TCHP: variants seen among roughly 807,000 people sequenced by gnomAD.
The protein encoded by TCHP is trichoplein keratin filament binding, also known as trichoplein keratin filament-binding protein.
In TCHP, 81 loss-of-function variants were observed where a neutral mutation model predicts 88.7. The ratio of observed to expected loss-of-function variants is 0.91; its 90% CI spans 0.76 to 1.10. The LOEUF (loss-of-function observed/expected upper bound fraction) is 1.10. TCHP is among the 50% of genes least tolerant of loss of function. The pLI, the probability that TCHP is intolerant of heterozygous loss-of-function variation, is 0.00. For missense variants in TCHP, 641 were observed against 632.1 expected (o/e 1.01, Z -0.15); for synonymous variants, 232 against 232.5 (o/e 1.00, Z 0.02).
rs1870859368 is a variant in TCHP, at chr12:109,917,060, A to G, written c.*437A>G. 6.4e-6 allele frequency: 1 copy of G among 156,532 alleles called. No individual in the cohort carries two copies. Among genetic ancestry groups the G allele is most frequent in the African/African-American group, 2.4e-5 (1 of 41,656 alleles). The allele number at this position is 156,532 out of a possible 1,614,324, so 9.7% of individuals were successfully genotyped here. Reference sequence around the variant, plus strand: ...AATTGCCATTTAAATTTAGTCTATTAAAAACAAACCTAGAGGTCTTGGTGC... The same window carrying G: ...AATTGCCATTTAAATTTAGTCTATTGAAAACAAACCTAGAGGTCTTGGTGC... On this transcript the variant is annotated 3_prime_UTR_variant, in exon 13 of 13. Transcript: ENST00000405876.
In TCHP at chr12:109,907,584, G is replaced by T. The variant is rs140118187; in HGVS notation, c.584G>T (p.Arg195Leu). The T allele has an allele frequency of 1.2e-6, 2 of 1,614,120 alleles. No homozygotes were observed. The highest frequency in any genetic ancestry group is 1.3e-5 in the African/African-American group (1 of 74,942). ...KRYENEYERA[R>L]REALERMKAE... The stretch of plus-strand genomic sequence containing the variant: ...TATGAAAATGAATATGAAAGGGCCC[G>T]AAGGGAGGCGCTAGAAAGGATGAAA... The change falls in exon 6 of 13, where the codon CGA (arginine) becomes CTA (leucine). Residue 195 changes from arginine (R) to leucine (L), a missense_variant. Arg to Leu is a moderately radical substitution (Grantham distance 102). Transcript: ENST00000405876.
At chr12:109,885,327 T>C in the TCHP span, among the ~76,000 whole-genome samples, 5 of 152,236 alleles carry the variant, frequency 3.3e-5, no homozygotes, top group Admixed American at 6.5e-5. Flanking sequence ...TGTTTCTTCA[T>C]GATTGGATTC....
At chr12:109,893,813 C>T in the TCHP span, among the ~76,000 whole-genome samples, 1 of 152,084 alleles carries the variant, frequency 6.6e-6, no homozygotes, top group Non-Finnish European at 1.5e-5. Context: ...GTTTGCATAG[C>T]CAATGGAAAT....
chr12:109,897,566 CT>C (rs563239979), upstream of TCHP, among the ~76,000 whole-genome samples: 1,715 of 145,262 alleles, frequency 0.012, 22 homozygotes, highest in African/African-American at 0.036. Context: ...TTCTTTCTTT[CT>C]TTTTTTTTTT....
At chr12:109,895,932 T>C (rs1869547723), upstream of TCHP, among the ~76,000 whole-genome samples, 2 of 152,164 alleles carry the variant, frequency 1.3e-5, no homozygotes. Flanking sequence ...GCCAAATTCT[T>C]TGTATGTTCA....
chr12:109,908,797 G>A, intron 7 of TCHP, 74 bp from the exon 8 acceptor site: 2 of 1,570,614 alleles, frequency 1.3e-6, no homozygotes, highest in Non-Finnish European at 1.8e-6. Context: ...GAGACAGCCT[G>A]GTCAGCAGTT....
rs765235271 is a variant in TCHP at position 109,914,452 on chromosome 12, G to A, written c.1145G>A (p.Gly382Glu). 7.4e-6 allele frequency: 12 copies of A among 1,612,292 alleles called. 1 individual carries two copies. In the Admixed American group the frequency reaches 2.0e-4, roughly 27 times the overall value. The change falls in exon 11 of 13, where the codon GGG (glycine) becomes GAG (glutamate). Residue 382 changes from glycine to glutamate, a missense_variant. Gly to Glu is a moderately conservative substitution (Grantham distance 98, BLOSUM62 -2). Transcript: ENST00000405876. ...TTCTGCTGAGGTTAGGTTCTGACAGGGAGACAACAGCAAATACAAGAGAAG... is the reference window on the plus strand; with the variant it reads ...TTCTGCTGAGGTTAGGTTCTGACAGAGAGACAACAGCAAATACAAGAGAAG... ...RDRLMSEVLT[G>E]RQQQIQEKIE...
At position 109,904,813 on chromosome 12, in the gene TCHP, A is replaced by T. The variant is rs759639122; in HGVS notation, c.456+20A>T. On this transcript the variant is annotated intron_variant, in intron 4 of 12. Coordinates refer to ENST00000405876, the MANE Select transcript of TCHP (RefSeq NM_001143852.2). ...CGAGAGGTGAAAATCAGAGATCTCC[A>T]TTGATTTATCTAAGTAGATGAAATC... 3 of 1,603,698 alleles carry T rather than the reference A, an allele frequency of 1.9e-6. No homozygotes were observed. The highest frequency in any genetic ancestry group is 1.1e-5 in the South Asian group (1 of 90,050).
the TCHP span, among the ~76,000 whole-genome samples, chr12:109,886,557 A>G: frequency 6.6e-6 from 1 of 151,986 alleles, no homozygotes; most frequent in Non-Finnish European, 1.5e-5. Flanking sequence ...ACTCTCTAGC[A>G]CAAGATATTC....
intron 1 of TCHP, 51 bp from the exon 2 acceptor site, chr12:109,902,976 A>G (rs943002035): frequency 2.0e-6 from 3 of 1,506,240 alleles, no homozygotes; most frequent in Non-Finnish European, 1.8e-6. Flanking sequence ...CAAGCTGGTG[A>G]GGGTTCCTGG....
chr12:109,915,849 G>A (rs1870792220), intron 12 of TCHP, among the ~76,000 whole-genome samples: 1 of 152,188 alleles, frequency 6.6e-6, no homozygotes, highest in Admixed American at 6.5e-5. Context: ...CACAGCTGCT[G>A]AGAGGGGTCA....
the TCHP span, among the ~76,000 whole-genome samples, chr12:109,891,679 G>C: frequency 6.6e-6 from 1 of 151,236 alleles, no homozygotes; most frequent in Non-Finnish European, 1.5e-5. Context: ...GGGTTTATAG[G>C]TGTAAGCCAC....
chr12:109,884,907 G>A, the TCHP span, among the ~76,000 whole-genome samples: 4 of 152,280 alleles, frequency 2.6e-5, no homozygotes, highest in South Asian at 4.1e-4. Flanking sequence ...CCTGATGTAC[G>A]GCTACCACCT....
intron 3 of TCHP, 88 bp from the exon 4 acceptor site, chr12:109,904,649 C>A: frequency 8.1e-7 from 1 of 1,233,042 alleles, no homozygotes; most frequent in Non-Finnish European, 1.2e-6. Flanking sequence ...GCACTCATAG[C>A]CTGAGCTGAC....
the TCHP span, among the ~76,000 whole-genome samples, chr12:109,885,093 C>T: frequency 7.2e-5 from 11 of 152,300 alleles, no homozygotes; most frequent in South Asian, 8.3e-4. Context: ...CTCAGCCTCC[C>T]GGGTAGCTGG....
Position 109,913,029 on chromosome 12 carries a change from A to G in TCHP, c.1091A>G (p.Glu364Gly), listed in dbSNP as rs758976664. The change falls in exon 10 of 13, where the codon GAG (glutamate) becomes GGG (glycine). Residue 364 changes from glutamate to glycine, a missense_variant. By Grantham distance (98) the Glu-to-Gly change is moderately conservative (BLOSUM62 -2). Transcript: ENST00000405876. Reference protein sequence around the residue: ...AKEMWEKREAEWARERSARDR... With the variant: ...AKEMWEKREAGWARERSARDR... ...GAGATGTGGGAAAAGAGAGAGGCAGAGTGGGCCCGAGAGCGCAGCGCACGG... is the reference window on the plus strand; with the variant it reads ...GAGATGTGGGAAAAGAGAGAGGCAGGGTGGGCCCGAGAGCGCAGCGCACGG... 1 of 1,613,924 alleles carries G rather than the reference A, an allele frequency of 6.2e-7. No homozygotes were observed. The highest frequency in any genetic ancestry group is 8.5e-7 in the Non-Finnish European group (1 of 1,179,994).
In TCHP at chr12:109,903,572, C is replaced by T. The variant is rs1021863662; in HGVS notation, c.188+358C>T. ...ACTTTTATAGAAATACGTGTAAAAA[C>T]ATGGAGGCCAAAAGCATAGGCTTTG... On this transcript the variant is annotated intron_variant, in intron 2 of 12. Coordinates refer to ENST00000405876, the MANE Select transcript of TCHP (RefSeq NM_001143852.2). This position sits in a 1 kb window ranked among gnomAD's most constrained non-coding sequence, Gnocchi z 4.6. Among the ~76,000 whole-genome samples, 8 of 152,122 alleles carry T rather than the reference C, an allele frequency of 5.3e-5. No homozygotes were observed. The highest frequency in any genetic ancestry group is 3.9e-4 in the Admixed American group (6 of 15,266).
At position 109,916,880 on chromosome 12, in the gene TCHP, C is replaced by T; in HGVS notation, c.*257C>T. ...CGTGTTTACAGCGCTGCTGCATAGT[C>T]TTGTAATATATTAACAGTCACATCA... On this transcript the variant is annotated 3_prime_UTR_variant, in exon 13 of 13. Coordinates refer to ENST00000405876, the MANE Select transcript of TCHP (RefSeq NM_001143852.2). The T allele has an allele frequency of 2.2e-6, 1 of 449,640 alleles. No individual in the cohort carries two copies. The highest frequency in any genetic ancestry group is 3.9e-6 in the Non-Finnish European group (1 of 254,954). 27.9% of individuals were successfully genotyped at this position (449,640 alleles called of 1,614,324 possible). A position where few individuals can be genotyped will look rare whatever the true frequency, so the allele number is the denominator to read the frequency against.
At chr12:109,901,520 TC>T (rs1229057154) in intron 1 of TCHP, among the ~76,000 whole-genome samples, 3 of 151,966 alleles carry the variant, frequency 2.0e-5, no homozygotes, top group African/African-American at 7.3e-5. Flanking sequence ...TATCAAAGAG[TC>T]CAATTAACTG....
Sources: gnomAD v4.1 joint callset for allele counts (sites outside exome capture counted in the v4.1 genomes callset) on GRCh38, gnomAD v4.1.1 for gene constraint, Gnocchi (gnomAD v3.1) non-coding constraint, MANE v1.5 for transcripts, NCBI Gene and HGNC (gene_info 2026-07-23, HGNC 2026-07-21) for gene names.